Variants in SLC26A7 observed in about 807,000 individuals in gnomAD.
SLC26A7 encodes solute carrier family 26 member 7.
SLC26A7 carries 59 observed loss-of-function variants against 82.5 expected under a neutral mutation model. The observed-to-expected ratio is 0.72, with a 90% confidence interval of 0.58 to 0.89. The LOEUF (loss-of-function observed/expected upper bound fraction) is 0.89, where lower values mean the gene tolerates loss of function less well. Ranked by LOEUF, SLC26A7 falls within the 40% of genes least tolerant of loss-of-function variation. The probability of loss-of-function intolerance (pLI) is 0.00; values close to 1 mark genes in which losing one functional copy is unlikely to be tolerated. For missense variants in SLC26A7, 820 were observed against 793.0 expected, an observed-to-expected ratio of 1.03 and a Z score of -0.41; for synonymous variants, 271 against 274.3, an observed-to-expected ratio of 0.99 and a Z score of 0.12.
At chr8:91,384,928 A>AT (rs1436753941) in intron 15 of SLC26A7, among the ~76,000 whole-genome samples, 1 of 152,228 alleles carries the variant, frequency 6.6e-6, no homozygotes, top group Non-Finnish European at 1.5e-5. Flanking sequence ...TAGTTAATTG[A>AT]TATCAACAGA....
chr8:91,332,637 C>T (rs1270074415), intron 5 of SLC26A7, among the ~76,000 whole-genome samples: 1 of 150,930 alleles, frequency 6.6e-6, no homozygotes, highest in Admixed American at 6.6e-5. Flanking sequence ...AAGGGATTCC[C>T]CACCGCCAGC....
At position 91,369,798 on chromosome 8, in the gene SLC26A7, C is replaced by A; in HGVS notation, c.1640C>A (p.Thr547Lys). 1.3e-6 allele frequency: 2 copies of A among 1,597,276 alleles called. No homozygotes were observed. The highest frequency in any genetic ancestry group is 1.7e-6 in the Non-Finnish European group (2 of 1,172,402). Residue 547 changes from threonine to lysine, a missense_variant, in exon 15 of 19, where the codon ACA becomes AAA. By Grantham distance (78) the Thr-to-Lys change is moderately conservative (BLOSUM62 -1). Transcript: ENST00000276609. The stretch of plus-strand genomic sequence containing the variant: ...TTTTTATTTTAGTGTGAACAAAACA[C>A]ATTGCTTAATTCCCTATCCAATGGC... ...LDDISKCEQN[T>K]LLNSLSNGNC...
At chr8:91,381,578 C>A (rs1814671794) in intron 15 of SLC26A7, among the ~76,000 whole-genome samples, 1 of 152,132 alleles carries the variant, frequency 6.6e-6, no homozygotes, top group Non-Finnish European at 1.5e-5. Context: ...ACTTCTGCAT[C>A]CTGACCAGGC....
Position 91,389,423 on chromosome 8 carries a change from C to A in SLC26A7, c.1761C>A (p.Val587=), listed in dbSNP as rs755026454. The change falls in exon 16 of 19, where the codon GTC becomes GTA. Residue 587 remains valine, a synonymous_variant. Transcript: ENST00000276609. ...TTACCTTTTTTGACTATTCTGGAGT[C>A]TCCATGCTTGTTGAGGTATTTATGG... The part of the protein sequence containing the change: ...SGFTFFDYSG[V]SMLVEVYMDC... The A allele has an allele frequency of 6.2e-7, 1 of 1,612,014 alleles. No homozygotes were observed. Among genetic ancestry groups the A allele is most frequent in the Non-Finnish European group, 8.5e-7 (1 of 1,178,104 alleles).
chr8:91,389,532 G>C, intron 16 of SLC26A7, 94 bp downstream of exon 16: 1 of 857,018 alleles, frequency 1.2e-6, no homozygotes, highest in Non-Finnish European at 2.0e-6. Context: ...GAGCCTGCTT[G>C]TTGCAATACT....
At chr8:91,283,803 G>C (rs1231604245) in intron 2 of SLC26A7, among the ~76,000 whole-genome samples, 3 of 152,126 alleles carry the variant, frequency 2.0e-5, no homozygotes, top group Non-Finnish European at 4.4e-5. Context: ...TTATTCATAT[G>C]AAATATCTTT....
At chr8:91,355,879 C>T (rs1169369001) in intron 11 of SLC26A7, among the ~76,000 whole-genome samples, 3 of 152,080 alleles carry the variant, frequency 2.0e-5, no homozygotes, top group Admixed American at 2.0e-4. Context: ...CCTCCCCTCT[C>T]CCCCAACCCC....
intron 2 of SLC26A7, among the ~76,000 whole-genome samples, chr8:91,277,830 CTT>C (rs1008445296): frequency 4.7e-5 from 7 of 149,572 alleles, no homozygotes; most frequent in Non-Finnish European, 1.0e-4. Flanking sequence ...AAAAAACAAA[CTT>C]AAATAAACAA....
intron 2 of SLC26A7, among the ~76,000 whole-genome samples, chr8:91,223,344 G>A (rs1443517290): frequency 6.6e-6 from 1 of 151,846 alleles, no homozygotes; most frequent in African/African-American, 2.4e-5. Context: ...ATTCTGCTCT[G>A]ATCTTAGTTT....
At chr8:91,369,098 C>G (rs1273541993) in intron 14 of SLC26A7, among the ~76,000 whole-genome samples, 1 of 152,144 alleles carries the variant, frequency 6.6e-6, no homozygotes, top group Non-Finnish European at 1.5e-5. Flanking sequence ...AACCCATGCT[C>G]TTACTAGTTT....
intron 15 of SLC26A7, among the ~76,000 whole-genome samples, chr8:91,386,456 A>G (rs1481082261): frequency 6.6e-6 from 1 of 152,188 alleles, no homozygotes; most frequent in Non-Finnish European, 1.5e-5. Flanking sequence ...ATCATTTGGT[A>G]AAAACAAGTA....
chr8:91,327,523 T>C (rs1812966365), intron 5 of SLC26A7, among the ~76,000 whole-genome samples: 1 of 152,168 alleles, frequency 6.6e-6, no homozygotes, highest in Non-Finnish European at 1.5e-5. Context: ...ATCTATATGC[T>C]GATTATGCCA....
chr8:91,295,878 G>C (rs1812003619), intron 4 of SLC26A7, among the ~76,000 whole-genome samples, 175 bp downstream of exon 4: 1 of 152,182 alleles, frequency 6.6e-6, no homozygotes, highest in South Asian at 2.1e-4. Flanking sequence ...AATGCTGGTT[G>C]AATGAATGAA....
chr8:91,247,795 A>T (rs11787225), upstream of SLC26A7, among the ~76,000 whole-genome samples: 69,470 of 151,942 alleles, frequency 0.46, 18,413 homozygotes, highest in South Asian at 0.66. Flanking sequence ...CAAATGATAG[A>T]TGTTGATTGG....
chr8:91,293,782 A>C (rs1020916980), intron 3 of SLC26A7, among the ~76,000 whole-genome samples: 9 of 152,194 alleles, frequency 5.9e-5, no homozygotes, highest in African/African-American at 2.2e-4. Context: ...TGTACAAAAC[A>C]TTTTGCTCTG....
chr8:91,372,769 G>A (rs542177248), intron 15 of SLC26A7, among the ~76,000 whole-genome samples: 116 of 151,364 alleles, frequency 7.7e-4, no homozygotes, highest in African/African-American at 2.5e-3. Flanking sequence ...TTTGTGAAAA[G>A]TGATATAATG....
intron 11 of SLC26A7, among the ~76,000 whole-genome samples, chr8:91,356,097 A>G (rs1262358649): frequency 6.6e-6 from 1 of 152,204 alleles, no homozygotes; most frequent in Admixed American, 6.5e-5. Context: ...CATGGTGTAC[A>G]TGTGCCACAT....
intron 5 of SLC26A7, among the ~76,000 whole-genome samples, chr8:91,318,624 GA>G (rs757202981): frequency 2.2e-4 from 32 of 148,404 alleles, no homozygotes; most frequent in South Asian, 4.3e-4. Flanking sequence ...GGCATAATTA[GA>G]AAAAAAAAAC....
At chr8:91,343,317 A>G (rs1475015313) in intron 8 of SLC26A7, 36 bp from the exon 9 acceptor site, 1 of 1,320,002 alleles carries the variant, frequency 7.6e-7, no homozygotes, top group Non-Finnish European at 1.1e-6. Context: ...GTCTATTGTG[A>G]TTAAGATATT....
Sources: gnomAD v4.1 joint callset for allele counts (sites outside exome capture counted in the v4.1 genomes callset) on GRCh38, gnomAD v4.1.1 for gene constraint, MANE v1.5 for transcripts, NCBI Gene and HGNC (gene_info 2026-07-23, HGNC 2026-07-21) for gene names.